The following CACNA1I variants were observed in gnomAD, a reference collection of about 807,000 sequenced individuals.
The protein encoded by CACNA1I is calcium voltage-gated channel subunit alpha1 I.
CACNA1I carries 74 observed loss-of-function variants against 201.6 expected under a neutral mutation model. That is an observed-to-expected ratio of 0.37 (90% CI 0.30 to 0.45). The LOEUF (loss-of-function observed/expected upper bound fraction) is 0.45. Among genes scored for constraint, CACNA1I ranks in the 20% least tolerant of loss-of-function variants. The pLI, the probability that CACNA1I is intolerant of heterozygous loss-of-function variation, is 1.00. For missense variants in CACNA1I, 2,346 were observed against 3,138.1 expected (o/e 0.75, Z 6.03); for synonymous variants, 1,431 against 1,345.2 (o/e 1.06, Z -1.40).
intron 16 of CACNA1I, among the ~76,000 whole-genome samples, chr22:39,661,563 T>C (rs1250029194): frequency 6.6e-6 from 1 of 151,990 alleles, no homozygotes; most frequent in Non-Finnish European, 1.5e-5. Flanking sequence ...ATGTGTAGGG[T>C]AAAAAGAGCT....
intron 17 of CACNA1I, 118 bp from the exon 18 acceptor site, chr22:39,662,658 C>T (rs1008104530): frequency 1.0e-5 from 8 of 781,976 alleles, no homozygotes; most frequent in African/African-American, 6.8e-5. Context: ...TGGCTGCCCC[C>T]GGGGGGCAGA....
chr22:39,615,645 G>A lies in CACNA1I; in HGVS notation c.483-3665G>A, dbSNP rs555939377. ...CCTCCTCTCTCCCCATCCTTGTCCT[G>A]TGTCCTCCTTTCTATCCTCTTCTGC... On this transcript the variant is annotated intron_variant, in intron 3 of 36. Coordinates refer to ENST00000402142, the MANE Select transcript of CACNA1I (RefSeq NM_021096.4). Among the ~76,000 whole-genome samples the A allele has an allele frequency of 1.2e-3, 188 of 152,192 alleles. 1 individual carries two copies. Among genetic ancestry groups the A allele is most frequent in the Non-Finnish European group, 2.0e-3 (139 of 68,008 alleles).
Position 39,685,716 on chromosome 22 carries a change from TG to T in CACNA1I, c.6028-40del, listed in dbSNP as rs1333003272. 7.9e-6 allele frequency: 11 copies of T among 1,392,742 alleles called. No individual in the cohort carries two copies. The highest frequency in any genetic ancestry group is 9.3e-6 in the Non-Finnish European group (10 of 1,080,036). The allele number at this position is 1,392,742 out of a possible 1,614,324, so 86.3% of individuals were successfully genotyped here. A position where few individuals can be genotyped will look rare whatever the true frequency, so the allele number is the denominator to read the frequency against. ...GAGGGCGGCGTCCAGGTTGCTGGGG[TG>T]GGGGCCGACACAGGCGGCCTCCACG... On this transcript the variant is annotated intron_variant, in intron 36 of 36. Coordinates refer to ENST00000402142, the MANE Select transcript of CACNA1I (RefSeq NM_021096.4). This position sits in a 1 kb window ranked among gnomAD's most constrained non-coding sequence, Gnocchi z 5.0.
intron 2 of CACNA1I, 150 bp from the exon 3 acceptor site, chr22:39,600,370 A>C (rs538721299): frequency 4.5e-5 from 28 of 623,020 alleles, no homozygotes; most frequent in Non-Finnish European, 7.5e-5. Flanking sequence ...GGGATCACTG[A>C]GGTTCTCCTC....
intron 16 of CACNA1I, 82 bp from the exon 17 acceptor site, chr22:39,661,883 G>T: frequency 4.5e-6 from 4 of 881,192 alleles, no homozygotes; most frequent in Non-Finnish European, 6.6e-6. Context: ...CCACAGCGGG[G>T]GTGCAGGCTG....
chr22:39,665,704 C>G lies in CACNA1I; in HGVS notation c.3978+80C>G. The G allele has an allele frequency of 6.4e-7, 1 of 1,567,830 alleles. No homozygotes were observed. The highest frequency in any genetic ancestry group is 1.2e-5 in the South Asian group (1 of 86,504). ...GTCTCAGACAGCCAGGGGAGAGACTCCACATTCCAACCTCATGCGCCTTGC... is the reference window on the plus strand; with the variant it reads ...GTCTCAGACAGCCAGGGGAGAGACTGCACATTCCAACCTCATGCGCCTTGC... On this transcript the variant is annotated intron_variant, in intron 22 of 36. Coordinates refer to ENST00000402142, the MANE Select transcript of CACNA1I (RefSeq NM_021096.4). This position sits in a 1 kb window ranked among gnomAD's most constrained non-coding sequence, Gnocchi z 5.5.
At position 39,600,507 on chromosome 22, in the gene CACNA1I, C is replaced by G; in HGVS notation, c.349-13C>G. 6.2e-7 allele frequency: 1 copy of G among 1,610,648 alleles called. No homozygotes were observed. Among genetic ancestry groups the G allele is most frequent in the Non-Finnish European group, 8.5e-7 (1 of 1,178,390 alleles). On this transcript the variant is annotated splice_polypyrimidine_tract_variant and intron_variant, in intron 2 of 36. Coordinates refer to ENST00000402142, the MANE Select transcript of CACNA1I (RefSeq NM_021096.4). ...TCACCCTGTCCCTTGCTTCCCTCCT[C>G]CTGCCCCTGCAGGTCTTTGATGACT...
chr22:39,648,444 C>T lies in CACNA1I; in HGVS notation c.1567+518C>T, dbSNP rs1301911669. Among the ~76,000 whole-genome samples, 7 of 152,266 alleles carry T rather than the reference C, an allele frequency of 4.6e-5. No homozygotes were observed. The South Asian group carries it at 1.4e-3, about 32-fold the overall frequency. On this transcript the variant is annotated intron_variant, in intron 9 of 36. Coordinates refer to ENST00000402142, the MANE Select transcript of CACNA1I (RefSeq NM_021096.4). The surrounding 1 kb of genome is among the most constrained non-coding windows in gnomAD (Gnocchi z 5.4). Reference sequence around the variant, plus strand: ...CTTGCCCCTGGGCCTCCCCTCTGCCCTGGAAAACGAGAGTTGGCTGTCGCC... The same window carrying T: ...CTTGCCCCTGGGCCTCCCCTCTGCCTTGGAAAACGAGAGTTGGCTGTCGCC...
rs539347492 is a variant in CACNA1I at position 39,653,647 on chromosome 22, G to A, written c.1992+3722G>A. ...GGCTGGCAGGGAGCTCTGTGACACT[G>A]AGGGGCAGGAGGCGAGGGTGTGACA... On this transcript the variant is annotated intron_variant, in intron 10 of 36. Coordinates refer to ENST00000402142, the MANE Select transcript of CACNA1I (RefSeq NM_021096.4). 2.0e-5 allele frequency among the ~76,000 whole-genome samples: 3 copies of A among 152,344 alleles called. No homozygotes were observed. The East Asian group carries it at 5.8e-4, about 29-fold the overall frequency.
chr22:39,622,416 T>C (rs1218570366), intron 4 of CACNA1I, among the ~76,000 whole-genome samples: 1 of 136,040 alleles, frequency 7.4e-6, no homozygotes. Flanking sequence ...GTTCAGGGAG[T>C]GTAAAGGGCT....
intron 1 of CACNA1I, among the ~76,000 whole-genome samples, chr22:39,593,399 T>A (rs1393811901): frequency 6.6e-6 from 1 of 151,834 alleles, no homozygotes; most frequent in African/African-American, 2.4e-5. Flanking sequence ...CAGGTGGGAG[T>A]GCTTCTGGAG....
rs191334499 is a variant in CACNA1I, at chr22:39,644,303, C to T, written c.1149+1414C>T. 6.8e-3 allele frequency among the ~76,000 whole-genome samples: 1,032 copies of T among 152,268 alleles called. 6 individuals carry two copies. Among genetic ancestry groups the T allele is most frequent in the Non-Finnish European group, 0.011 (751 of 68,016 alleles). On this transcript the variant is annotated intron_variant, in intron 7 of 36. Coordinates refer to ENST00000402142, the MANE Select transcript of CACNA1I (RefSeq NM_021096.4). ...CTAAGGGTACAGTTGGGGTAAAGCA[C>T]GATGCTCCCCGAGCTCATTGTGAAA...
chr22:39,674,542 A>G (rs1384644492), intron 29 of CACNA1I, among the ~76,000 whole-genome samples: 5 of 152,098 alleles, frequency 3.3e-5, no homozygotes, highest in Non-Finnish European at 7.4e-5. Flanking sequence ...CCAGGTGGGG[A>G]TCTGAGAAGT....
At position 39,658,958 on chromosome 22, in the gene CACNA1I, C is replaced by A; in HGVS notation, c.2172C>A (p.Asp724Glu). The A allele has an allele frequency of 6.2e-7, 1 of 1,602,846 alleles. No homozygotes were observed. The highest frequency in any genetic ancestry group is 8.5e-7 in the Non-Finnish European group (1 of 1,176,478). The change falls in exon 12 of 37, where the codon GAC becomes GAA. Residue 724 changes from aspartate to glutamate, a missense_variant. Around this residue, in one of 13 missense-constraint regions of CACNA1I, gnomAD observed 155 missense variants for 300.8 expected, o/e 0.52. Coordinates refer to ENST00000402142, the MANE Select transcript of CACNA1I (RefSeq NM_021096.4). Reference sequence around the variant, plus strand: ...TCTGGGAGATTGTGGGGCAGGCGGACGGTGGGCTGTCGGTGCTGCGGACCT... The same window carrying A: ...TCTGGGAGATTGTGGGGCAGGCGGAAGGTGGGCTGTCGGTGCTGCGGACCT... ...ISIWEIVGQADGGLSVLRTFR... is the reference protein window; with the variant it reads ...ISIWEIVGQAEGGLSVLRTFR...
intron 5 of CACNA1I, among the ~76,000 whole-genome samples, chr22:39,635,767 G>A (rs1001671519): frequency 5.3e-5 from 8 of 152,076 alleles, no homozygotes; most frequent in Non-Finnish European, 8.8e-5. Context: ...TGTGAGCTCC[G>A]CCCCTCTGTC....
In CACNA1I at chr22:39,666,921, G is replaced by A. The variant is rs934549042; in HGVS notation, c.4104+915G>A. ...GAAGTTGAGGGGGAACCAGCCAGCGGCCTTTTGTGCCCGTGCTCCTGACCC... is the reference window on the plus strand; with the variant it reads ...GAAGTTGAGGGGGAACCAGCCAGCGACCTTTTGTGCCCGTGCTCCTGACCC... On this transcript the variant is annotated intron_variant, in intron 23 of 36. Coordinates refer to ENST00000402142, the MANE Select transcript of CACNA1I (RefSeq NM_021096.4). The surrounding 1 kb of genome is among the most constrained non-coding windows in gnomAD (Gnocchi z 4.1). Among the ~76,000 whole-genome samples the A allele has an allele frequency of 6.6e-5, 10 of 152,186 alleles. No homozygotes were observed. Among genetic ancestry groups the A allele is most frequent in the African/African-American group, 2.4e-4 (10 of 41,448 alleles).
At position 39,665,309 on chromosome 22, in the gene CACNA1I, G is replaced by GC. The variant is rs1935152590; in HGVS notation, c.3852-189_3852-188insC. Among the ~76,000 whole-genome samples, 2 of 152,140 alleles carry GC rather than the reference G, an allele frequency of 1.3e-5. No individual in the cohort carries two copies. Among genetic ancestry groups the GC allele is most frequent in the Non-Finnish European group, 2.9e-5 (2 of 68,016 alleles). ...GTGCAGCTTGCCTCCTGCTCTGCCCGTGTCTGGGCTGCCTGGCCACTTTCT... is the reference window on the plus strand; with the variant it reads ...GTGCAGCTTGCCTCCTGCTCTGCCCGCTGTCTGGGCTGCCTGGCCACTTTCT... On this transcript the variant is annotated intron_variant, in intron 21 of 36. Coordinates refer to ENST00000402142, the MANE Select transcript of CACNA1I (RefSeq NM_021096.4). The surrounding 1 kb of genome is among the most constrained non-coding windows in gnomAD (Gnocchi z 5.5).
chr22:39,607,019 TG>T (rs779796737), intron 3 of CACNA1I, among the ~76,000 whole-genome samples: 119 of 152,316 alleles, frequency 7.8e-4, no homozygotes, highest in Non-Finnish European at 1.3e-3. Context: ...TTGCCACCTG[TG>T]GGGAGGGGCC....
rs1935145394 is a variant in CACNA1I at position 39,665,076 on chromosome 22, G to T, written c.3851+153G>T. Among the ~76,000 whole-genome samples the T allele has an allele frequency of 6.6e-6, 1 of 152,080 alleles. No homozygotes were observed. The highest frequency in any genetic ancestry group is 2.1e-4 in the South Asian group (1 of 4,816). The stretch of plus-strand genomic sequence containing the variant: ...ACCCTGAGCTGTTCCCGGGGGAGGG[G>T]TCTGCAGACCCTGGGGGTGGGGTAT... On this transcript the variant is annotated intron_variant, in intron 21 of 36. Coordinates refer to ENST00000402142, the MANE Select transcript of CACNA1I (RefSeq NM_021096.4). The surrounding 1 kb of genome is among the most constrained non-coding windows in gnomAD (Gnocchi z 5.5).
Sources: gnomAD v4.1 joint callset for allele counts (sites outside exome capture counted in the v4.1 genomes callset) on GRCh38, gnomAD v4.1.1 for gene constraint, gnomAD v4.1.1 regional missense constraint, Gnocchi (gnomAD v3.1) non-coding constraint, MANE v1.5 for transcripts, NCBI Gene and HGNC (gene_info 2026-07-23, HGNC 2026-07-21) for gene names.